Variants in GPD2 observed in about 807,000 individuals in gnomAD.
The protein encoded by GPD2 is glycerol-3-phosphate dehydrogenase, mitochondrial.
A neutral mutation model predicts 82.4 loss-of-function variants in GPD2; 54 were observed. The ratio of observed to expected loss-of-function variants is 0.66; its 90% CI spans 0.53 to 0.82. GPD2 has a LOEUF of 0.82. Among genes scored for constraint, GPD2 ranks in the 40% least tolerant of loss-of-function variants. GPD2 has a pLI of 0.00. For missense variants in GPD2, 748 were observed against 896.2 expected, an observed-to-expected ratio of 0.83 and a Z score of 2.11; for synonymous variants, 288 against 306.1, an observed-to-expected ratio of 0.94 and a Z score of 0.62.
intron 6 of GPD2, among the ~76,000 whole-genome samples, chr2:156,520,882 G>A (rs546522869): frequency 2.6e-5 from 4 of 152,186 alleles, no homozygotes; most frequent in East Asian, 1.9e-4. Context: ...CACCATGCCC[G>A]GCTGTTCAGT....
Position 156,584,068 on chromosome 2 carries a change from T to C in GPD2, c.*1150T>C, listed in dbSNP as rs1298696359. The C allele has an allele frequency of 6.6e-6, 1 of 151,932 alleles. No homozygotes were observed. The highest frequency in any genetic ancestry group is 1.5e-5 in the Non-Finnish European group (1 of 67,928). 9.4% of individuals were successfully genotyped at this position (151,932 alleles called of 1,614,324 possible). A position where few individuals can be genotyped will look rare whatever the true frequency, so the allele number is the denominator to read the frequency against. On this transcript the variant is annotated 3_prime_UTR_variant, in exon 17 of 17. Transcript: ENST00000438166. ...TCCCCTTCTGTACTCCATGGAAATA[T>C]TCTCAGTAAACCAAAAACAAAAATG... is the stretch of plus-strand genomic sequence containing the variant.
chr2:156,431,885 CTT>C (rs34394250), upstream of GPD2, among the ~76,000 whole-genome samples: 96 of 119,932 alleles, frequency 8.0e-4, no homozygotes, highest in Middle Eastern at 4.4e-3. Flanking sequence ...TCTGTGAAAT[CTT>C]TTTTTTTTTT....
At chr2:156,403,512 A>C in the GPD2 span, among the ~76,000 whole-genome samples, 1 of 152,092 alleles carries the variant, frequency 6.6e-6, no homozygotes, top group African/African-American at 2.4e-5. Context: ...CCATCCTGAC[A>C]TTTTTTATGC....
chr2:156,486,290 C>T (rs565040080), intron 2 of GPD2, among the ~76,000 whole-genome samples: 16 of 152,260 alleles, frequency 1.1e-4, no homozygotes, highest in Admixed American at 4.6e-4. Flanking sequence ...ATCAGGCCTT[C>T]GAGGAGTTTG....
the GPD2 span, among the ~76,000 whole-genome samples, chr2:156,419,854 C>G: frequency 1.3e-5 from 2 of 152,144 alleles, no homozygotes; most frequent in Non-Finnish European, 2.9e-5. Context: ...TAACCAAAAC[C>G]ATTGTCTTAT....
rs536630397 is a variant in GPD2, at chr2:156,478,850, G to T, written c.102+2643G>T. ...TGTATTTTTTCTAGTTTCCTAAGAA[G>T]ATTCCAACTGATAAACTGCCGTTTA... On this transcript the variant is annotated intron_variant, in intron 2 of 16. Transcript: ENST00000438166. Among the ~76,000 whole-genome samples, 517 of 152,280 alleles carry T rather than the reference G, an allele frequency of 3.4e-3. 11 individuals are homozygous for T. Among genetic ancestry groups the T allele is most frequent in the African/African-American group, 0.012 (498 of 41,546 alleles).
intron 6 of GPD2, among the ~76,000 whole-genome samples, chr2:156,540,336 A>C (rs1333621148): frequency 2.0e-5 from 3 of 152,188 alleles, no homozygotes; most frequent in African/African-American, 7.2e-5. Flanking sequence ...TCTAGATCGA[A>C]GACTGTTGAG....
At chr2:156,532,832 G>A (rs1278601714) in intron 6 of GPD2, among the ~76,000 whole-genome samples, 1 of 152,206 alleles carries the variant, frequency 6.6e-6, no homozygotes, top group African/African-American at 2.4e-5. Context: ...ATTTGATATA[G>A]AAATCATGAT....
At chr2:156,579,853 G>A (rs1389947714) in intron 16 of GPD2, 65 bp downstream of exon 16, 1 of 807,092 alleles carries the variant, frequency 1.2e-6, no homozygotes, top group Non-Finnish European at 2.2e-6. Context: ...GATCATAAAT[G>A]CATGTTCAAG....
At chr2:156,556,457 A>T (rs1020073824) in intron 8 of GPD2, among the ~76,000 whole-genome samples, 13 of 152,224 alleles carry the variant, frequency 8.5e-5, no homozygotes, top group African/African-American at 2.7e-4. Flanking sequence ...GAAATAAAAC[A>T]TCAGCTTTTA....
chr2:156,573,647 T>C (rs1346910172), intron 13 of GPD2, among the ~76,000 whole-genome samples: 1 of 152,134 alleles, frequency 6.6e-6, no homozygotes, highest in African/African-American at 2.4e-5. Flanking sequence ...TTAACTTCAG[T>C]TCATATTTTA....
At chr2:156,516,273 A>T (rs1344203416) in intron 6 of GPD2, among the ~76,000 whole-genome samples, 1 of 152,250 alleles carries the variant, frequency 6.6e-6, no homozygotes, top group African/African-American at 2.4e-5. Context: ...TTCTTGAAAT[A>T]ATGTTGAATT....
At chr2:156,435,586 C>G (rs1688401262), upstream of GPD2, 1 of 152,296 alleles carries the variant, frequency 6.6e-6, no homozygotes, top group African/African-American at 2.4e-5. Context: ...GCTTGGTCTT[C>G]CCTGCGGGTC....
At chr2:156,520,539 A>G (rs1408977692) in intron 6 of GPD2, among the ~76,000 whole-genome samples, 1 of 149,722 alleles carries the variant, frequency 6.7e-6, no homozygotes. Context: ...TTATTTATTT[A>G]TTTTTAAAAT....
Position 156,568,861 on chromosome 2 carries a change from T to TCC in GPD2, c.1203_1204dup (p.Arg402ProfsTer32). ...GATGTCCTGGCAGCATGGAGTGGAATCCGTCCTCTTGTTACAGACCCCAAA... is the reference window on the plus strand; with the variant it reads ...GATGTCCTGGCAGCATGGAGTGGAATCCCCGTCCTCTTGTTACAGACCCCAAA... On this transcript the variant is annotated frameshift_variant, in exon 10 of 17. Transcript: ENST00000438166. LOFTEE classifies it high-confidence loss of function. The TCC allele has an allele frequency of 6.2e-7, 1 of 1,612,718 alleles. No homozygotes were observed. Among genetic ancestry groups the TCC allele is most frequent in the Non-Finnish European group, 8.5e-7 (1 of 1,178,848 alleles).
At chr2:156,428,886 G>T in the GPD2 span, among the ~76,000 whole-genome samples, 4 of 152,216 alleles carry the variant, frequency 2.6e-5, no homozygotes, top group Admixed American at 2.6e-4. Context: ...TGCTTTTCAG[G>T]CCAAGGAACA....
At chr2:156,571,826 A>G (rs1042106035) in intron 13 of GPD2, among the ~76,000 whole-genome samples, 32 of 152,114 alleles carry the variant, frequency 2.1e-4, no homozygotes, top group Admixed American at 5.2e-4. Flanking sequence ...GTAGATCTTT[A>G]TGTTTTTTAA....
At chr2:156,409,490 G>T in the GPD2 span, among the ~76,000 whole-genome samples, 1 of 151,996 alleles carries the variant, frequency 6.6e-6, no homozygotes, top group Non-Finnish European at 1.5e-5. Flanking sequence ...AGGGCCAGGT[G>T]TTCAAGACCA....
At chr2:156,423,763 T>C in the GPD2 span, among the ~76,000 whole-genome samples, 29,546 of 152,250 alleles carry the variant, frequency 0.19, 3,282 homozygotes, top group Non-Finnish European at 0.24. Context: ...CATTTTTCTT[T>C]GCCCCATTCC....
Sources: gnomAD v4.1 joint callset for allele counts (sites outside exome capture counted in the v4.1 genomes callset) on GRCh38, gnomAD v4.1.1 for gene constraint, MANE v1.5 for transcripts, NCBI Gene and HGNC (gene_info 2026-07-23, HGNC 2026-07-21) for gene names.